The following NFKBIZ variants were observed in gnomAD, a reference collection of about 807,000 sequenced individuals.
The protein encoded by NFKBIZ is NF-kappa-B inhibitor zeta.
In NFKBIZ, 19 loss-of-function variants were observed where a neutral mutation model predicts 76.8. The ratio of observed to expected loss-of-function variants is 0.25; its 90% CI spans 0.17 to 0.36. The LOEUF is 0.36. Among genes scored for constraint, NFKBIZ ranks in the 10% least tolerant of loss-of-function variants. The pLI, the probability that NFKBIZ is intolerant of heterozygous loss-of-function variation, is 1.00. For synonymous variants in NFKBIZ, 368 were observed against 354.8 expected (o/e 1.04, Z -0.42); for missense variants, 829 against 910.9 (o/e 0.91, Z 1.16).
intron 5 of NFKBIZ, 99 bp from the exon 6 acceptor site, chr3:101,854,479 A>G: frequency 4.2e-6 from 3 of 720,498 alleles, no homozygotes; most frequent in Non-Finnish European, 7.1e-6. Context: ...GTACCAATAT[A>G]TAAAAAGGGG....
At position 101,853,260 on chromosome 3, in the gene NFKBIZ, T is replaced by C. The variant is rs1334573331; in HGVS notation, c.734T>C (p.Val245Ala). The change falls in exon 5 of 12, where the codon GTC (valine) becomes GCC (alanine). Residue 245 changes from valine to alanine, a missense_variant. Val to Ala is a moderately conservative substitution (Grantham distance 64, BLOSUM62 0). This residue lies in a region of NFKBIZ where 371 missense variants were observed against 332.3 expected (regional missense o/e 1.12). Coordinates refer to ENST00000326172, the MANE Select transcript of NFKBIZ (RefSeq NM_031419.4). ...VQVSWLNPVV[V>A]PQSSPAEQCQ... ...GTTAGCTGGCTGAACCCCGTGGTGGTCCCTCAGAGCTCCCCCGCAGAGCAG... is the reference window on the plus strand; with the variant it reads ...GTTAGCTGGCTGAACCCCGTGGTGGCCCCTCAGAGCTCCCCCGCAGAGCAG... 6.2e-7 allele frequency: 1 copy of C among 1,613,966 alleles called. No individual in the cohort carries two copies. Among genetic ancestry groups the C allele is most frequent in the East Asian group, 2.2e-5 (1 of 44,902 alleles).
chr3:101,830,521 T>C (rs1560081112), intron 2 of NFKBIZ, among the ~76,000 whole-genome samples: 1 of 152,228 alleles, frequency 6.6e-6, no homozygotes. Context: ...TTGCCATCTT[T>C]ATGTCCTTGA....
At chr3:101,856,912 C>T in intron 9 of NFKBIZ, 161 bp from the exon 10 acceptor site, 1 of 569,704 alleles carries the variant, frequency 1.8e-6, no homozygotes, top group East Asian at 2.8e-5. Context: ...ATAAAAGATT[C>T]CATTTAGCTT....
intron 11 of NFKBIZ, among the ~76,000 whole-genome samples, chr3:101,859,031 G>A (rs1943096434): frequency 6.6e-6 from 1 of 152,170 alleles, no homozygotes; most frequent in African/African-American, 2.4e-5. Context: ...AAAGAATATA[G>A]GTGTTAAGTT....
chr3:101,854,122 T>G (rs911585068), intron 5 of NFKBIZ, among the ~76,000 whole-genome samples: 1 of 152,208 alleles, frequency 6.6e-6, no homozygotes, highest in African/African-American at 2.4e-5. Context: ...TAATTGAGTT[T>G]GGAAGACCAG....
intron 7 of NFKBIZ, 84 bp downstream of exon 7, chr3:101,855,292 T>C: frequency 1.2e-6 from 2 of 1,603,458 alleles, no homozygotes; most frequent in Non-Finnish European, 1.7e-6. Context: ...AGGTTGCCTG[T>C]TGCAATGATC....
At chr3:101,848,697 C>T (rs1942889610), upstream of NFKBIZ, among the ~76,000 whole-genome samples, 1 of 152,162 alleles carries the variant, frequency 6.6e-6, no homozygotes, top group African/African-American at 2.4e-5. Flanking sequence ...TAAAGCTATG[C>T]AGAATTTTAA....
At chr3:101,852,659 A>T in intron 2 of NFKBIZ, 79 bp from the exon 3 acceptor site, 1 of 914,518 alleles carries the variant, frequency 1.1e-6, no homozygotes, top group Non-Finnish European at 1.7e-6. Flanking sequence ...AAAGGGTGGT[A>T]GAGATAAGCC....
Position 101,852,980 on chromosome 3 carries a change from C to T in NFKBIZ, c.555C>T (p.Ser185=). ...PACKRPALLH[S]QFLTPPQTPT... is the part of the protein sequence containing the mutation. ...GCAAAAGGCCAGCTCTGTTGCATTC[C>T]CAATTTTTGGTAAGTATCTCACCAT... Residue 185 remains serine, a synonymous_variant, in exon 4 of 12, where the codon TCC becomes TCT. Transcript: ENST00000326172. The T allele has an allele frequency of 6.2e-7, 1 of 1,614,030 alleles. No individual in the cohort carries two copies.
chr3:101,852,695 A>G, intron 2 of NFKBIZ, 43 bp from the exon 3 acceptor site: 2 of 1,392,662 alleles, frequency 1.4e-6, no homozygotes, highest in Non-Finnish European at 1.0e-6. Flanking sequence ...ATTAAGAGGA[A>G]GTCATTTTGT....
chr3:101,853,396 T>C lies in NFKBIZ; in HGVS notation c.870T>C (p.Ser290=). The C allele has an allele frequency of 6.2e-7, 1 of 1,614,040 alleles. No homozygotes were observed. ...ACCAGGCTTCCCTGTACCAGTATTC[T>C]CCACAGAACCAGCATGTAGAGCAGC... ...MIDQASLYQY[S]PQNQHVEQQP... is the part of the protein sequence containing the mutation. The change falls in exon 5 of 12, where the codon TCT becomes TCC. Residue 290 remains serine, a synonymous_variant. Transcript: ENST00000326172.
At chr3:101,852,538 G>A (rs1942979660) in intron 2 of NFKBIZ, among the ~76,000 whole-genome samples, 200 bp from the exon 3 acceptor site, 1 of 152,220 alleles carries the variant, frequency 6.6e-6, no homozygotes, top group African/African-American at 2.4e-5. Context: ...ATCTTGACCT[G>A]CGTTGAGCTA....
At chr3:101,829,247 A>G (rs1230049873) in intron 1 of NFKBIZ, among the ~76,000 whole-genome samples, 2 of 152,194 alleles carry the variant, frequency 1.3e-5, no homozygotes, top group East Asian at 3.8e-4. Flanking sequence ...TGGCAGAGTC[A>G]GTCTGAGAGG....
At position 101,853,467 on chromosome 3, in the gene NFKBIZ, C is replaced by G. The variant is rs780913282; in HGVS notation, c.941C>G (p.Pro314Arg). ...HKPTLEYSPF[P>R]IPPQSPAYEP... is the part of the protein sequence containing the mutation. The stretch of plus-strand genomic sequence containing the variant: ...CCAACTCTGGAATACAGTCCTTTTC[C>G]CATACCTCCCCAGTCCCCCGCTTAT... Residue 314 changes from proline to arginine, a missense_variant, in exon 5 of 12, where the codon CCC (proline) becomes CGC (arginine). Coordinates refer to ENST00000326172, the MANE Select transcript of NFKBIZ (RefSeq NM_031419.4). The G allele has an allele frequency of 2.5e-6, 4 of 1,614,236 alleles. No individual in the cohort carries two copies. The East Asian group carries it at 8.9e-5, about 36-fold the overall frequency.
chr3:101,845,092 C>T (rs1166403401), upstream of NFKBIZ, among the ~76,000 whole-genome samples: 2 of 151,968 alleles, frequency 1.3e-5, no homozygotes, highest in African/African-American at 2.4e-5. Flanking sequence ...CACGGTGAAA[C>T]CCCGTCTCTA....
At chr3:101,852,645 C>G in intron 2 of NFKBIZ, 93 bp from the exon 3 acceptor site, 1 of 802,588 alleles carries the variant, frequency 1.2e-6, no homozygotes, top group East Asian at 2.5e-5. Context: ...TTATGGTAAG[C>G]TATAAAGGGT....
At chr3:101,831,471 T>G (rs1424401354) in intron 2 of NFKBIZ, among the ~76,000 whole-genome samples, 2 of 152,194 alleles carry the variant, frequency 1.3e-5, no homozygotes, top group South Asian at 2.1e-4. Context: ...TGTTGTCTTT[T>G]TGTGTCTTGC....
At chr3:101,830,091 A>G (rs1942628368) in intron 2 of NFKBIZ, among the ~76,000 whole-genome samples, 1 of 152,026 alleles carries the variant, frequency 6.6e-6, no homozygotes. Flanking sequence ...CCTTAAAACT[A>G]GCATATGTGG....
intron 11 of NFKBIZ, chr3:101,858,520 G>A (rs948081258): frequency 3.7e-5 from 31 of 827,296 alleles, no homozygotes; most frequent in Admixed American, 6.2e-5. Flanking sequence ...GGATCATTGA[G>A]ATATTAAGCC....
Sources: allele counts gnomAD v4.1 joint callset (sites outside exome capture counted in the v4.1 genomes callset), GRCh38; gene constraint gnomAD v4.1.1; regional missense constraint gnomAD v4.1.1; transcripts MANE v1.5; gene names NCBI Gene and HGNC (gene_info 2026-07-23, HGNC 2026-07-21).